The following PRDM11 variants were observed in gnomAD, a reference collection of about 807,000 sequenced individuals.
PRDM11 encodes the protein PR domain-containing protein 11.
Under a neutral mutation model 97.8 loss-of-function variants are expected in PRDM11, and 20 were observed. That is an observed-to-expected ratio of 0.20 (90% CI 0.14 to 0.30). The LOEUF is 0.30. PRDM11 is among the 10% of genes least tolerant of loss of function. The probability of loss-of-function intolerance (pLI) is 1.00; values close to 1 mark genes in which losing one functional copy is unlikely to be tolerated. For synonymous variants in PRDM11, 599 were observed against 637.7 expected, an observed-to-expected ratio of 0.94 and a Z score of 0.91; for missense variants, 1,139 against 1,555.2, an observed-to-expected ratio of 0.73 and a Z score of 4.50.
intron 1 of PRDM11, among the ~76,000 whole-genome samples, chr11:45,149,464 CA>C (rs1267108750): frequency 6.6e-6 from 1 of 152,212 alleles, no homozygotes; most frequent in African/African-American, 2.4e-5. Context: ...TTAAGGTTAG[CA>C]AAGGGCACAG....
chr11:45,156,835 A>G (rs1851806094), intron 1 of PRDM11, among the ~76,000 whole-genome samples: 1 of 151,918 alleles, frequency 6.6e-6, no homozygotes, highest in African/African-American at 2.4e-5. Context: ...TTGAGGGAGG[A>G]GCGGGGGTTT....
intron 5 of PRDM11, among the ~76,000 whole-genome samples, chr11:45,205,607 G>A (rs758123271): frequency 7.2e-5 from 11 of 152,164 alleles, no homozygotes; most frequent in Non-Finnish European, 1.3e-4. Flanking sequence ...ATGGGCCTGG[G>A]GCCCTCTGCC....
chr11:45,100,607 C>T (rs1055289600), intron 1 of PRDM11, among the ~76,000 whole-genome samples: 1 of 152,206 alleles, frequency 6.6e-6, no homozygotes, highest in Non-Finnish European at 1.5e-5. Flanking sequence ...CAGCAGCCCT[C>T]TCCTCCATAG....
At chr11:45,143,040 G>A (rs987736964), upstream of PRDM11, among the ~76,000 whole-genome samples, 2 of 152,172 alleles carry the variant, frequency 1.3e-5, no homozygotes, top group Admixed American at 6.5e-5. Context: ...CTGGCAACCC[G>A]TGCAAGAAGG....
chr11:45,219,529 G>T lies in PRDM11; in HGVS notation c.555-41G>T, dbSNP rs1236351346. ...CCGGCACCAGCGGGCACTCAACAAAGGGTGGCCCGTGCGTTCTCACCTGTC... is the reference window on the plus strand; with the variant it reads ...CCGGCACCAGCGGGCACTCAACAAATGGTGGCCCGTGCGTTCTCACCTGTC... On this transcript the variant is annotated intron_variant, in intron 5 of 7. Coordinates refer to ENST00000683152, the MANE Select transcript of PRDM11 (RefSeq NM_001384648.1). This position sits in a 1 kb window ranked among gnomAD's most constrained non-coding sequence, Gnocchi z 4.2. The T allele has an allele frequency of 7.0e-6, 11 of 1,560,394 alleles. No homozygotes were observed. Among genetic ancestry groups the T allele is most frequent in the African/African-American group, 1.4e-5 (1 of 73,960 alleles).
intron 5 of PRDM11, among the ~76,000 whole-genome samples, chr11:45,206,086 G>A (rs193182941): frequency 1.8e-4 from 27 of 152,250 alleles, no homozygotes; most frequent in Admixed American, 1.2e-3. Flanking sequence ...TCACTGCCAC[G>A]GGGTCCAGGT....
intron 1 of PRDM11, among the ~76,000 whole-genome samples, chr11:45,099,450 T>TAAAAAAAAAAAAA (rs532403075): frequency 2.1e-5 from 2 of 95,242 alleles, no homozygotes; most frequent in African/African-American, 8.2e-5. Flanking sequence ...GACTCCATCT[T>TAAAAAAAAAAAAA]AAAAAAAAAA....
chr11:45,130,520 T>C (rs1255362384), intron 1 of PRDM11, among the ~76,000 whole-genome samples: 1 of 152,134 alleles, frequency 6.6e-6, no homozygotes, highest in Non-Finnish European at 1.5e-5. Flanking sequence ...CACTACAAAC[T>C]TTCTAGAATG....
intron 4 of PRDM11, among the ~76,000 whole-genome samples, chr11:45,194,621 C>T (rs374057901): frequency 0.014 from 1,087 of 76,508 alleles, 19 homozygotes; most frequent in African/African-American, 0.047. Flanking sequence ...TTTTTTGAGA[C>T]GGAGTCTCGC....
At chr11:45,147,090 A>T (rs1165165964) in intron 1 of PRDM11, among the ~76,000 whole-genome samples, 1 of 146,152 alleles carries the variant, frequency 6.8e-6, no homozygotes, top group East Asian at 2.1e-4. Flanking sequence ...GAGGTGGGTG[A>T]ACCCTCGGCA....
At chr11:45,128,892 T>A (rs1852651084) in intron 1 of PRDM11, among the ~76,000 whole-genome samples, 2 of 152,150 alleles carry the variant, frequency 1.3e-5, no homozygotes, top group Admixed American at 1.3e-4. Flanking sequence ...CAGGCCAATA[T>A]CACTCATAAG....
intron 1 of PRDM11, among the ~76,000 whole-genome samples, 161 bp from the exon 2 acceptor site, chr11:45,181,600 A>G (rs999229601): frequency 6.6e-6 from 1 of 151,604 alleles, no homozygotes; most frequent in Non-Finnish European, 1.5e-5. Flanking sequence ...TGGCCGGGCT[A>G]CAGCTGTTTT....
intron 1 of PRDM11, among the ~76,000 whole-genome samples, chr11:45,156,543 G>C (rs778083913): frequency 1.2e-4 from 19 of 152,254 alleles, no homozygotes; most frequent in Non-Finnish European, 1.9e-4. Flanking sequence ...GACTTTGAGA[G>C]AAAGCCTTGA....
At chr11:45,097,323 C>G (rs1374671162) in intron 1 of PRDM11, among the ~76,000 whole-genome samples, 1 of 152,180 alleles carries the variant, frequency 6.6e-6, no homozygotes, top group Non-Finnish European at 1.5e-5. Flanking sequence ...AGGTTCCCTT[C>G]CAGTCTGAAA....
intron 1 of PRDM11, among the ~76,000 whole-genome samples, chr11:45,149,491 T>C (rs11038331): frequency 0.46 from 70,182 of 152,168 alleles, 18,294 homozygotes; most frequent in Non-Finnish European, 0.59. Flanking sequence ...TGGGAGTGTC[T>C]GGTGGTCCTT....
chr11:45,182,271 A>G lies in PRDM11; in HGVS notation c.145A>G (p.Met49Val), dbSNP rs1413407235. ...CTCTAGGAGACCGGACTCCTCGGCC[A>G]TGGAAGTTGAGCCCAAGAAACTGAA... ...PCSRRPDSSAMEVEPKKLKGK... is the reference protein window; with the variant it reads ...PCSRRPDSSAVEVEPKKLKGK... Residue 49 changes from methionine (M) to valine (V), a missense_variant, in exon 3 of 8, where the codon ATG becomes GTG. By Grantham distance (21) the Met-to-Val change is conservative. Around this residue, in one of 2 missense-constraint regions of PRDM11, gnomAD observed 429 missense variants for 510.3 expected, o/e 0.84. Coordinates refer to ENST00000683152, the MANE Select transcript of PRDM11 (RefSeq NM_001384648.1). The G allele has an allele frequency of 3.1e-6, 5 of 1,613,844 alleles. No homozygotes were observed. The highest frequency in any genetic ancestry group is 1.7e-5 in the Admixed American group (1 of 60,002).
intron 1 of PRDM11, among the ~76,000 whole-genome samples, chr11:45,121,973 C>T (rs143317278): frequency 4.2e-4 from 63 of 151,514 alleles, no homozygotes; most frequent in African/African-American, 1.2e-3. Context: ...AAAAGATATA[C>T]GGAAAATTAA....
intron 1 of PRDM11, among the ~76,000 whole-genome samples, chr11:45,135,414 T>A (rs1852820024): frequency 6.6e-6 from 1 of 152,166 alleles, no homozygotes; most frequent in Non-Finnish European, 1.5e-5. Flanking sequence ...TCCCAAAGAA[T>A]CAACTCAGAA....
intron 4 of PRDM11, among the ~76,000 whole-genome samples, chr11:45,191,348 T>C (rs1228141201): frequency 6.6e-6 from 1 of 152,262 alleles, no homozygotes; most frequent in East Asian, 1.9e-4. Context: ...CTATTGATGA[T>C]TCTTGTCTGT....
Sources: gnomAD v4.1 joint callset for allele counts (sites outside exome capture counted in the v4.1 genomes callset) on GRCh38, gnomAD v4.1.1 for gene constraint, gnomAD v4.1.1 regional missense constraint, Gnocchi (gnomAD v3.1) non-coding constraint, MANE v1.5 for transcripts, NCBI Gene and HGNC (gene_info 2026-07-23, HGNC 2026-07-21) for gene names.